MTPN: variants seen among roughly 807,000 people sequenced by gnomAD.
MTPN encodes the protein myotrophin.
Under a neutral mutation model 13.5 loss-of-function variants are expected in MTPN, and 2 were observed. The observed-to-expected ratio is 0.15, with a 90% CI of 0.06 to 0.47. The LOEUF (loss-of-function observed/expected upper bound fraction) is 0.47. Ranked by LOEUF, MTPN falls within the 20% of genes least tolerant of loss-of-function variation. MTPN has a pLI of 0.97. For synonymous variants in MTPN, 46 were observed against 51.7 expected (o/e 0.89, Z 0.48); for missense variants, 79 against 137.9 (o/e 0.57, Z 2.14).
rs117973676 is a variant in MTPN, at chr7:135,956,297, T to C, written c.73-4667A>G. 9.0e-4 allele frequency among the ~76,000 whole-genome samples: 137 copies of C among 152,342 alleles called. 2 individuals are homozygous for C. The East Asian group carries it at 0.022, about 24-fold the overall frequency. ...TTAGTGACATTAGCAGAGATAAAGA[T>C]ACCTATTCTGTAATCTTCATTCTAA... On this transcript the variant is annotated intron_variant, in intron 1 of 3. Coordinates refer to ENST00000393085, the MANE Select transcript of MTPN (RefSeq NM_145808.4).
At chr7:135,950,554 A>AG in intron 3 of MTPN, 45 bp downstream of exon 3, 1 of 1,424,298 alleles carries the variant, frequency 7.0e-7, no homozygotes, top group African/African-American at 1.4e-5. Context: ...TACTTGGCTT[A>AG]AACACAGTAA....
At chr7:135,959,424 T>C (rs1799490355) in intron 1 of MTPN, among the ~76,000 whole-genome samples, 1 of 152,208 alleles carries the variant, frequency 6.6e-6, no homozygotes, top group African/African-American at 2.4e-5. Context: ...GTGTAAACAC[T>C]AACAATCATT....
At chr7:135,939,521 A>C (rs1799169852) in intron 3 of MTPN, among the ~76,000 whole-genome samples, 1 of 135,624 alleles carries the variant, frequency 7.4e-6, no homozygotes, top group South Asian at 2.3e-4. Context: ...AACAGACACA[A>C]TGCCTGGCGG....
intron 1 of MTPN, among the ~76,000 whole-genome samples, chr7:135,975,470 C>G (rs1045152779): frequency 4.6e-5 from 7 of 152,090 alleles, no homozygotes; most frequent in African/African-American, 1.7e-4. Context: ...TAAAATGGGA[C>G]CAATAATAGG....
intron 1 of MTPN, among the ~76,000 whole-genome samples, chr7:135,972,261 C>CACACACACACACACA (rs35026808): frequency 5.5e-5 from 5 of 90,764 alleles, no homozygotes; most frequent in African/African-American, 1.6e-4. Context: ...ACACACACAC[C>CACACACACACACACA]CCATGTAGAT....
At chr7:135,968,006 G>A (rs956695792) in intron 1 of MTPN, among the ~76,000 whole-genome samples, 2 of 152,082 alleles carry the variant, frequency 1.3e-5, no homozygotes, top group African/African-American at 4.8e-5. Flanking sequence ...TGCCCAGGCT[G>A]GTCTTGAACT....
chr7:135,974,746 T>C (rs886912907), intron 1 of MTPN, among the ~76,000 whole-genome samples: 1 of 152,126 alleles, frequency 6.6e-6, no homozygotes, highest in African/African-American at 2.4e-5. Context: ...AGATGCACAT[T>C]ACAGAAACTC....
intron 3 of MTPN, among the ~76,000 whole-genome samples, chr7:135,933,317 C>G (rs572820303): frequency 1.7e-3 from 264 of 152,186 alleles, no homozygotes; most frequent in Non-Finnish European, 2.8e-3. Flanking sequence ...CTCACCACTA[C>G]CACCCTTCCC....
intron 1 of MTPN, among the ~76,000 whole-genome samples, chr7:135,957,353 GATT>G (rs1379320540): frequency 3.9e-5 from 6 of 151,916 alleles, no homozygotes; most frequent in Non-Finnish European, 7.4e-5. Flanking sequence ...TGAGGATTTA[GATT>G]ATAGTGGAAA....
chr7:135,927,514 AAC>A lies in MTPN; in HGVS notation c.*2410_*2411del. ...TAAGTATTACTTCAGTGGAGAACAA[AAC>A]TTACTTAACCTTTCGCTAATGCATG... On this transcript the variant is annotated 3_prime_UTR_variant, in exon 4 of 4. Transcript: ENST00000393085. 9.0e-7 allele frequency: 1 copy of A among 1,108,292 alleles called. No individual in the cohort carries two copies. The highest frequency in any genetic ancestry group is 1.3e-6 in the Non-Finnish European group (1 of 767,296). The allele number at this position is 1,108,292 out of a possible 1,614,324, so 68.7% of individuals were successfully genotyped here. A position where few individuals can be genotyped will look rare whatever the true frequency, so the allele number is the denominator to read the frequency against.
intron 1 of MTPN, among the ~76,000 whole-genome samples, chr7:135,972,231 G>GCACACACACACA (rs67168370): frequency 3.2e-5 from 4 of 124,716 alleles, no homozygotes; most frequent in South Asian, 2.5e-4. Context: ...GCACGCGCGC[G>GCACACACACACA]CACACACACA....
chr7:135,956,119 C>T (rs573599680), intron 1 of MTPN, among the ~76,000 whole-genome samples: 206 of 152,210 alleles, frequency 1.4e-3, no homozygotes, highest in Non-Finnish European at 1.8e-3. Context: ...TCTGCAGATC[C>T]CATGGTTAGG....
Position 135,929,697 on chromosome 7 carries a change from C to T in MTPN, c.*229G>A, listed in dbSNP as rs1372182828. 3 of 556,046 alleles carry T rather than the reference C, an allele frequency of 5.4e-6. No individual in the cohort carries two copies. The highest frequency in any genetic ancestry group is 1.0e-5 in the Non-Finnish European group (3 of 300,310). 34.4% of individuals were successfully genotyped at this position (556,046 alleles called of 1,614,324 possible). ...TATATTTTATTAGAAAGGGAAGAGG[C>T]TTACTTGATCAGGAATCCCAGTAAA... On this transcript the variant is annotated 3_prime_UTR_variant, in exon 4 of 4. Transcript: ENST00000393085.
intron 1 of MTPN, among the ~76,000 whole-genome samples, chr7:135,972,223 A>ACGCGCG (rs71531882): frequency 7.6e-5 from 10 of 131,826 alleles, no homozygotes; most frequent in African/African-American, 2.9e-4. Flanking sequence ...GCACACGCGC[A>ACGCGCG]CGCGCGCGCA....
intron 1 of MTPN, among the ~76,000 whole-genome samples, chr7:135,976,654 G>A (rs1799776587): frequency 6.6e-6 from 1 of 152,020 alleles, no homozygotes; most frequent in Non-Finnish European, 1.5e-5. Context: ...AGTCCAAGAT[G>A]GAGAATTACC....
chr7:135,943,172 A>G lies in MTPN; in HGVS notation c.270+7427T>C, dbSNP rs144395733. On this transcript the variant is annotated intron_variant, in intron 3 of 3. Coordinates refer to ENST00000393085, the MANE Select transcript of MTPN (RefSeq NM_145808.4). ...GGAACAGAATTTTGGGGTTCCAAAT[A>G]ATCCTAAAATGTGAGTGGGGGAATA... Among the ~76,000 whole-genome samples the G allele has an allele frequency of 9.4e-3, 1,436 of 152,378 alleles. 10 individuals carry two copies. The highest frequency in any genetic ancestry group is 0.015 in the Non-Finnish European group (1,038 of 68,030).
chr7:135,939,111 G>T (rs140392353), intron 3 of MTPN, among the ~76,000 whole-genome samples: 126 of 152,222 alleles, frequency 8.3e-4, no homozygotes, highest in African/African-American at 3.0e-3. Context: ...GTCCAAGAGC[G>T]GAGGATCTGT....
chr7:135,965,371 A>G lies in MTPN; in HGVS notation c.72+11658T>C, dbSNP rs558223783. Reference sequence around the variant, plus strand: ...AGTAGACAGGGCTGGGAATCCAACCAAGGTCTACTGAAATCCAAAATGAAA... The same window carrying G: ...AGTAGACAGGGCTGGGAATCCAACCGAGGTCTACTGAAATCCAAAATGAAA... On this transcript the variant is annotated intron_variant, in intron 1 of 3. Coordinates refer to ENST00000393085, the MANE Select transcript of MTPN (RefSeq NM_145808.4). 4.6e-5 allele frequency among the ~76,000 whole-genome samples: 7 copies of G among 152,244 alleles called. No homozygotes were observed. In the East Asian group the frequency reaches 1.4e-3, roughly 29 times the overall value.
At chr7:135,946,285 A>G (rs1480855758) in intron 3 of MTPN, among the ~76,000 whole-genome samples, 2 of 152,226 alleles carry the variant, frequency 1.3e-5, no homozygotes, top group Non-Finnish European at 1.5e-5. Flanking sequence ...TAAGTGTCCT[A>G]TAAACTCTTG....
Sources: allele counts gnomAD v4.1 joint callset (sites outside exome capture counted in the v4.1 genomes callset), GRCh38; gene constraint gnomAD v4.1.1; transcripts MANE v1.5; gene names NCBI Gene and HGNC (gene_info 2026-07-23, HGNC 2026-07-21).